Variants in DHRS1 observed in about 807,000 individuals in gnomAD.
DHRS1 encodes dehydrogenase/reductase SDR family member 1.
Under a neutral mutation model 35.2 loss-of-function variants are expected in DHRS1, and 34 were observed. That is an observed-to-expected ratio of 0.97 (90% CI 0.74 to 1.29). DHRS1 has a LOEUF of 1.29. DHRS1 is among the 50% of genes most tolerant of loss of function. DHRS1 has a pLI of 0.00. For synonymous variants in DHRS1, 133 were observed against 160.0 expected (o/e 0.83, Z 1.27); for missense variants, 354 against 403.6 (o/e 0.88, Z 1.05).
chr14:24,293,132 A>G (rs1183834894), intron 4 of DHRS1: 1 of 217,844 alleles, frequency 4.6e-6, no homozygotes. Flanking sequence ...AGTACAGACA[A>G]AATCTTTCAA....
chr14:24,290,609 ATGAGACTTTT>A lies in DHRS1; in HGVS notation c.*240_*249del. 2.2e-6 allele frequency: 1 copy of A among 456,984 alleles called. No individual in the cohort carries two copies. The highest frequency in any genetic ancestry group is 3.9e-6 in the Non-Finnish European group (1 of 253,910). 28.3% of individuals were successfully genotyped at this position (456,984 alleles called of 1,614,324 possible). On this transcript the variant is annotated 3_prime_UTR_variant, in exon 9 of 9. Coordinates refer to ENST00000288111, the MANE Select transcript of DHRS1 (RefSeq NM_001136050.3). Reference sequence around the variant, plus strand: ...CAGTCAAAAACACATTGAAAGAGAAATGAGACTTTTATTAGCTCCAAGAGCATTTTTCAAT... The same window carrying A: ...CAGTCAAAAACACATTGAAAGAGAAAATTAGCTCCAAGAGCATTTTTCAAT...
chr14:24,291,318 C>A (rs1222531854), intron 7 of DHRS1, 99 bp from the exon 8 acceptor site: 1 of 1,286,466 alleles, frequency 7.8e-7, no homozygotes, highest in Non-Finnish European at 1.1e-6. Flanking sequence ...AGCCCTGGAG[C>A]TCAGGATCCC....
intron 4 of DHRS1, 128 bp from the exon 5 acceptor site, chr14:24,292,912 G>A (rs537934403): frequency 1.6e-6 from 2 of 1,223,182 alleles, no homozygotes; most frequent in South Asian, 1.7e-5. Context: ...GGGTGGGTTA[G>A]CGACCTGAGG....
intron 4 of DHRS1, among the ~76,000 whole-genome samples, chr14:24,295,227 C>CTAT (rs1470649954): frequency 7.2e-5 from 11 of 152,088 alleles, no homozygotes; most frequent in African/African-American, 1.4e-4. Context: ...ATATGCCAGG[C>CTAT]TATTAATAGT....
Position 24,299,077 on chromosome 14 carries a change from A to C in DHRS1, c.30T>G (p.Cys10Trp). Residue 10 changes from cysteine to tryptophan, a missense_variant, in exon 2 of 9, where the codon TGT becomes TGG. Cys to Trp is a radical substitution (Grantham distance 215). Coordinates refer to ENST00000288111, the MANE Select transcript of DHRS1 (RefSeq NM_001136050.3). ...TACCCCTGGAGGCACCAGTCACCAC[A>C]CACACTTGGCCATTCATGGGAGCTG... is the stretch of plus-strand genomic sequence containing the variant. MAAPMNGQV[C>W]VVTGASRGIG... 6.2e-7 allele frequency: 1 copy of C among 1,613,940 alleles called. No homozygotes were observed. The highest frequency in any genetic ancestry group is 2.2e-5 in the East Asian group (1 of 44,880).
At chr14:24,292,521 C>A in intron 5 of DHRS1, 131 bp downstream of exon 5, 1 of 1,543,402 alleles carries the variant, frequency 6.5e-7, no homozygotes, top group Non-Finnish European at 8.9e-7. Context: ...AGGAACTGTC[C>A]ATGGATGAGG....
chr14:24,297,685 T>A (rs995565444), intron 2 of DHRS1, among the ~76,000 whole-genome samples: 2 of 152,012 alleles, frequency 1.3e-5, no homozygotes, highest in Non-Finnish European at 2.9e-5. Flanking sequence ...TCTATTAGGG[T>A]CTTCCAAGAC....
rs970810126 is a variant in DHRS1 at position 24,290,925 on chromosome 14, G to C, written c.876C>G (p.Ala292=). 9.9e-6 allele frequency: 16 copies of C among 1,614,060 alleles called. No individual in the cohort carries two copies. The highest frequency in any genetic ancestry group is 1.4e-5 in the Non-Finnish European group (16 of 1,180,020). ...CACGGAGGAAGGAGGGCAGGTAGGA[G>C]GCCAGCCAGCCCAGGCCGGACACGT... ...LSHVSGLGWL[A]SYLPSFLRVP... Residue 292 remains alanine, a synonymous_variant, in exon 9 of 9, where the codon GCC becomes GCG. Transcript: ENST00000288111.
intron 2 of DHRS1, 95 bp from the exon 3 acceptor site, chr14:24,296,976 C>CA (rs369098424): frequency 3.4e-5 from 53 of 1,550,288 alleles, no homozygotes; most frequent in Middle Eastern, 1.9e-4. Context: ...ACTGAGAAGA[C>CA]AATCAATCCT....
chr14:24,297,724 A>C (rs1274922378), intron 2 of DHRS1, among the ~76,000 whole-genome samples: 1 of 152,096 alleles, frequency 6.6e-6, no homozygotes, highest in African/African-American at 2.4e-5. Context: ...CCTCTCACTC[A>C]CTACTCTTCC....
In DHRS1 at chr14:24,292,336, G is replaced by C; in HGVS notation, c.508-6C>G. On this transcript the variant is annotated splice_region_variant and splice_polypyrimidine_tract_variant and intron_variant, in intron 5 of 8. Transcript: ENST00000288111. The stretch of plus-strand genomic sequence containing the variant: ...TCAGCAGCCAGCTTGTCACACTGTG[G>C]AGAGGCGGAAGGCAGGGTAAGAGCC... 1 of 1,613,840 alleles carries C rather than the reference G, an allele frequency of 6.2e-7. No homozygotes were observed. Among genetic ancestry groups the C allele is most frequent in the Non-Finnish European group, 8.5e-7 (1 of 1,180,008 alleles).
chr14:24,296,635 G>C (rs777276413), intron 3 of DHRS1, 47 bp from the exon 4 acceptor site: 2 of 1,613,546 alleles, frequency 1.2e-6, no homozygotes, highest in Non-Finnish European at 1.7e-6. Context: ...GTAGGGAGGT[G>C]TGAGGGGCTG....
chr14:24,298,788 C>G, intron 2 of DHRS1, 169 bp downstream of exon 2: 2 of 942,294 alleles, frequency 2.1e-6, no homozygotes, highest in Non-Finnish European at 1.5e-6. Flanking sequence ...CGGCAAAATT[C>G]TACCTTACCT....
In DHRS1 at chr14:24,299,135, G is replaced by A. The variant is rs1225602339; in HGVS notation, c.-24-5C>T. The A allele has an allele frequency of 1.2e-6, 2 of 1,601,824 alleles. No individual in the cohort carries two copies. The highest frequency in any genetic ancestry group is 3.4e-5 in the Admixed American group (2 of 59,498). On this transcript the variant is annotated splice_region_variant and splice_polypyrimidine_tract_variant and intron_variant, in intron 1 of 8. Coordinates refer to ENST00000288111, the MANE Select transcript of DHRS1 (RefSeq NM_001136050.3). ...TCACAGGCAAAGGAGGCAGGTCTGT[G>A]GAAGCAAAGACTTACTCTGAGGGAA...
intron 5 of DHRS1, 53 bp downstream of exon 5, chr14:24,292,599 A>C (rs2295308): frequency 0.065 from 104,269 of 1,613,862 alleles, 6,692 homozygotes; most frequent in East Asian, 0.35. Context: ...CCTGAGCTAT[A>C]GGTAACATCA....
At position 24,291,007 on chromosome 14, in the gene DHRS1, A is replaced by T. The variant is rs2041148937; in HGVS notation, c.806-12T>A. 1 of 1,613,750 alleles carries T rather than the reference A, an allele frequency of 6.2e-7. No individual in the cohort carries two copies. Among genetic ancestry groups the T allele is most frequent in the Admixed American group, 1.7e-5 (1 of 59,982 alleles). The stretch of plus-strand genomic sequence containing the variant: ...TTGGACGGGGCGGCCTGGGAACAAC[A>T]GGAGGAGGAGGATTAGATTCTCATT... On this transcript the variant is annotated splice_polypyrimidine_tract_variant and intron_variant, in intron 8 of 8. Coordinates refer to ENST00000288111, the MANE Select transcript of DHRS1 (RefSeq NM_001136050.3).
At chr14:24,292,975 T>G in intron 4 of DHRS1, 191 bp from the exon 5 acceptor site, 1 of 586,894 alleles carries the variant, frequency 1.7e-6, no homozygotes, top group East Asian at 3.2e-5. Flanking sequence ...AAATAACCAC[T>G]GACAGATGAG....
Position 24,296,520 on chromosome 14 carries a change from G to A in DHRS1, c.363C>T (p.Asn121=), listed in dbSNP as rs1444105972. The A allele has an allele frequency of 6.2e-6, 10 of 1,614,086 alleles. No individual in the cohort carries two copies. The highest frequency in any genetic ancestry group is 4.4e-5 in the South Asian group (4 of 91,088). Reference sequence around the variant, plus strand: ...AGTGGAGCACCCACCTGAGTCCGACGTTGTTGATATCATCCCACATGGAGG... The same window carrying A: ...AGTGGAGCACCCACCTGAGTCCGACATTGTTGATATCATCCCACATGGAGG... ...TPASMWDDIN[N]VGLRGHYFCS... Residue 121 remains asparagine, a synonymous_variant, in exon 4 of 9, where the codon AAC becomes AAT. Coordinates refer to ENST00000288111, the MANE Select transcript of DHRS1 (RefSeq NM_001136050.3).
rs1269290795 is a variant in DHRS1, at chr14:24,290,721, C to A, written c.*138G>T. ...GGACCTAGGCGCACCCCAGAACTCA[C>A]CACGGACACACAGCAGAGGGCTTCT... On this transcript the variant is annotated 3_prime_UTR_variant, in exon 9 of 9. Transcript: ENST00000288111. The A allele has an allele frequency of 1.8e-6, 2 of 1,142,514 alleles. No homozygotes were observed. Among genetic ancestry groups the A allele is most frequent in the Non-Finnish European group, 2.5e-6 (2 of 790,842 alleles). The allele number at this position is 1,142,514 out of a possible 1,614,324, so 70.8% of individuals were successfully genotyped here.
Sources: gnomAD v4.1 joint callset for allele counts (sites outside exome capture counted in the v4.1 genomes callset) on GRCh38, gnomAD v4.1.1 for gene constraint, MANE v1.5 for transcripts, NCBI Gene and HGNC (gene_info 2026-07-23, HGNC 2026-07-21) for gene names.